CPNE8: variants seen among roughly 807,000 people sequenced by gnomAD.
The protein encoded by CPNE8 is copine 8.
CPNE8 carries 45 observed loss-of-function variants against 81.5 expected under a neutral mutation model. The observed-to-expected ratio is 0.55, with a 90% confidence interval of 0.44 to 0.71. The LOEUF is 0.71. CPNE8 is among the 30% of genes least tolerant of loss of function. CPNE8 has a pLI of 0.00. For missense variants in CPNE8, 594 were observed against 672.1 expected (o/e 0.88, Z 1.28); for synonymous variants, 252 against 226.3 (o/e 1.11, Z -1.02).
chr12:38,707,434 A>G (rs2136701454), intron 13 of CPNE8, among the ~76,000 whole-genome samples: 1 of 152,264 alleles, frequency 6.6e-6, no homozygotes, highest in South Asian at 2.1e-4. Context: ...ACTGTAGAAA[A>G]GAAGACAAGA....
intron 6 of CPNE8, among the ~76,000 whole-genome samples, chr12:38,793,418 T>A (rs1391278254): frequency 6.6e-6 from 1 of 151,958 alleles, no homozygotes; most frequent in Non-Finnish European, 1.5e-5. Context: ...AAATTAGTTC[T>A]GTTTTTATAT....
chr12:38,794,848 G>A (rs560192749), intron 6 of CPNE8, among the ~76,000 whole-genome samples: 112 of 152,254 alleles, frequency 7.4e-4, no homozygotes, highest in African/African-American at 2.6e-3. Flanking sequence ...TGTTGCCAAA[G>A]GAGATTAACC....
chr12:38,779,403 T>C (rs1023918136), intron 6 of CPNE8, among the ~76,000 whole-genome samples: 8 of 152,192 alleles, frequency 5.3e-5, no homozygotes, highest in Non-Finnish European at 1.2e-4. Flanking sequence ...ATAAAGCTTA[T>C]ATCTCATTAA....
chr12:38,758,221 T>C (rs1292920962), intron 10 of CPNE8, among the ~76,000 whole-genome samples: 4 of 152,082 alleles, frequency 2.6e-5, no homozygotes, highest in Non-Finnish European at 5.9e-5. Context: ...CACCTCTTTT[T>C]CACATTTCAC....
intron 5 of CPNE8, among the ~76,000 whole-genome samples, chr12:38,830,121 C>T (rs373474238): frequency 6.6e-6 from 1 of 152,020 alleles, no homozygotes; most frequent in African/African-American, 2.4e-5. Flanking sequence ...AACATACAAC[C>T]GTATGATTCT....
chr12:38,729,822 G>C (rs826875), intron 11 of CPNE8, among the ~76,000 whole-genome samples: 1 of 152,000 alleles, frequency 6.6e-6, no homozygotes, highest in South Asian at 2.1e-4. Flanking sequence ...CTTTAACAAC[G>C]TGGATTTCTT....
At chr12:38,713,082 C>T (rs58654934) in intron 13 of CPNE8, among the ~76,000 whole-genome samples, 8,416 of 152,100 alleles carry the variant, frequency 0.055, 502 homozygotes, top group East Asian at 0.32. Flanking sequence ...GAAATGAAAA[C>T]AGGTTATGCT....
At chr12:38,756,928 T>C (rs74499577) in intron 10 of CPNE8, among the ~76,000 whole-genome samples, 1,632 of 152,260 alleles carry the variant, frequency 0.011, 34 homozygotes, top group African/African-American at 0.036. Context: ...AAAGTAAAAA[T>C]CCTTCTTAGT....
intron 13 of CPNE8, among the ~76,000 whole-genome samples, chr12:38,705,153 G>A (rs905771704): frequency 6.6e-6 from 1 of 151,800 alleles, no homozygotes; most frequent in African/African-American, 2.4e-5. Context: ...TGAGTACTTT[G>A]ACTATTTTTT....
intron 19 of CPNE8, among the ~76,000 whole-genome samples, chr12:38,668,566 A>G (rs1939107856): frequency 6.6e-6 from 1 of 152,210 alleles, no homozygotes. Context: ...GCCTCTGCTA[A>G]CTTGGTAAAA....
At chr12:38,654,456 A>C (rs1189866016) in intron 19 of CPNE8, among the ~76,000 whole-genome samples, 1 of 144,190 alleles carries the variant, frequency 6.9e-6, no homozygotes, top group Non-Finnish European at 1.5e-5. Flanking sequence ...CAGAGGTTGC[A>C]GTGAGCCGAG....
intron 10 of CPNE8, 83 bp from the exon 11 acceptor site, chr12:38,730,441 C>A: frequency 2.9e-6 from 2 of 682,596 alleles, no homozygotes; most frequent in South Asian, 2.1e-5. Context: ...AAGGTTTAAT[C>A]ATTATCAAAA....
At chr12:38,684,301 T>C (rs556784611) in intron 16 of CPNE8, among the ~76,000 whole-genome samples, 1 of 152,114 alleles carries the variant, frequency 6.6e-6, no homozygotes, top group Non-Finnish European at 1.5e-5. Flanking sequence ...GCCAAGATTG[T>C]ATTTAAGAAA....
At chr12:38,793,259 T>A (rs1942371876) in intron 6 of CPNE8, among the ~76,000 whole-genome samples, 1 of 141,764 alleles carries the variant, frequency 7.1e-6, no homozygotes, top group Admixed American at 6.7e-5. Flanking sequence ...TCATCAAAAT[T>A]GAAAATGAAG....
intron 6 of CPNE8, among the ~76,000 whole-genome samples, chr12:38,784,410 CTT>C (rs1270549712): frequency 2.0e-5 from 3 of 152,002 alleles, no homozygotes; most frequent in African/African-American, 7.3e-5. Context: ...AGCTACTGGC[CTT>C]TTAAAAAGGA....
At chr12:38,668,088 T>C (rs1939098982) in intron 19 of CPNE8, among the ~76,000 whole-genome samples, 1 of 152,168 alleles carries the variant, frequency 6.6e-6, no homozygotes, top group South Asian at 2.1e-4. Flanking sequence ...CATGAGCCAC[T>C]GTGCCCGGTT....
intron 14 of CPNE8, among the ~76,000 whole-genome samples, chr12:38,701,651 G>A (rs556218450): frequency 1.4e-4 from 21 of 152,046 alleles, no homozygotes; most frequent in African/African-American, 7.2e-5. Flanking sequence ...GTGCCACCAC[G>A]TTTGGCTAAT....
At chr12:38,802,805 T>C (rs1195009607) in intron 6 of CPNE8, among the ~76,000 whole-genome samples, 2 of 133,924 alleles carry the variant, frequency 1.5e-5, no homozygotes, top group Admixed American at 1.5e-4. Flanking sequence ...ATAGACACAA[T>C]AAAAAATGAT....
chr12:38,726,824 T>C (rs1489409674), intron 11 of CPNE8, among the ~76,000 whole-genome samples: 1 of 152,214 alleles, frequency 6.6e-6, no homozygotes, highest in Non-Finnish European at 1.5e-5. Context: ...GTCTTTTTGC[T>C]GTCAGCACAT....
Sources: allele counts gnomAD v4.1 joint callset (sites outside exome capture counted in the v4.1 genomes callset), GRCh38; gene constraint gnomAD v4.1.1; transcripts MANE v1.5; gene names NCBI Gene and HGNC (gene_info 2026-07-23, HGNC 2026-07-21).